Variants in EFR3B observed in about 807,000 individuals in gnomAD.
The protein encoded by EFR3B is EFR3 homolog B, also known as protein EFR3 homolog B.
In EFR3B, 64 loss-of-function variants were observed where a neutral mutation model predicts 104.7. The ratio of observed to expected loss-of-function variants is 0.61; its 90% CI spans 0.50 to 0.75. EFR3B has a LOEUF of 0.75. EFR3B is among the 30% of genes least tolerant of loss of function. EFR3B has a pLI of 0.00. For missense variants in EFR3B, 750 were observed against 1,078.5 expected, an observed-to-expected ratio of 0.70 and a Z score of 4.27; for synonymous variants, 385 against 417.9, an observed-to-expected ratio of 0.92 and a Z score of 0.96.
chr2:25,136,735 G>GT lies in EFR3B; in HGVS notation c.1560+138dup, dbSNP rs1670527353. Reference sequence around the variant, plus strand: ...GCTCGAGACCAGCCAGACCAACATGGTAAAATCCCATCTTTACTAAAGCTA... The same window carrying GT: ...GCTCGAGACCAGCCAGACCAACATGGTTAAAATCCCATCTTTACTAAAGCTA... On this transcript the variant is annotated intron_variant, in intron 14 of 22. Coordinates refer to ENST00000403714, the MANE Select transcript of EFR3B (RefSeq NM_014971.2). This position sits in a 1 kb window ranked among gnomAD's most constrained non-coding sequence, Gnocchi z 4.0. 5.8e-6 allele frequency: 4 copies of GT among 687,858 alleles called. No homozygotes were observed. Among genetic ancestry groups the GT allele is most frequent in the Admixed American group, 5.1e-5 (2 of 39,318 alleles). The allele number at this position is 687,858 out of a possible 1,614,324, so 42.6% of individuals were successfully genotyped here.
chr2:25,052,237 G>T (rs1667891435), intron 1 of EFR3B, among the ~76,000 whole-genome samples: 1 of 151,686 alleles, frequency 6.6e-6, no homozygotes, highest in Admixed American at 6.6e-5. Flanking sequence ...AAGTGCTGGG[G>T]TTACAGGCAT....
At position 25,077,228 on chromosome 2, in the gene EFR3B, TTAAA is replaced by T. The variant is rs71942716; in HGVS notation, c.8-14091_8-14088del. Among the ~76,000 whole-genome samples the T allele has an allele frequency of 0.023, 3,458 of 152,314 alleles. 235 individuals are homozygous for T. In the East Asian group the frequency reaches 0.27, roughly 12 times the overall value. On this transcript the variant is annotated intron_variant, in intron 1 of 22. Transcript: ENST00000403714. Reference sequence around the variant, plus strand: ...AAAAACTGGAAACAACAGAGAATGATTAAATAAATCAGGATCCAGTCAAAAGATG... The same window carrying T: ...AAAAACTGGAAACAACAGAGAATGATTAAATCAGGATCCAGTCAAAAGATG...
At chr2:25,148,279 A>T (rs1670884657) in intron 19 of EFR3B, among the ~76,000 whole-genome samples, 2 of 148,792 alleles carry the variant, frequency 1.3e-5, no homozygotes, top group African/African-American at 2.5e-5. Flanking sequence ...AAAAAAACAG[A>T]GTCTCCCTCT....
At chr2:25,095,891 A>G (rs1669262576) in intron 3 of EFR3B, among the ~76,000 whole-genome samples, 1 of 152,200 alleles carries the variant, frequency 6.6e-6, no homozygotes, top group Non-Finnish European at 1.5e-5. Context: ...CTCCCCAACC[A>G]TCATGCTACA....
intron 12 of EFR3B, 134 bp downstream of exon 12, chr2:25,133,568 G>C (rs897185136): frequency 8.0e-6 from 8 of 995,436 alleles, no homozygotes; most frequent in Non-Finnish European, 1.2e-5. Flanking sequence ...TTGAGTCGGG[G>C]CTGAAATCTA....
Position 25,128,304 on chromosome 2 carries a change from A to T in EFR3B, c.607A>T (p.Asn203Tyr), listed in dbSNP as rs1298121476. ...MDKIVPSLLF[N>Y]LQHVEEAESR... ...TAAGATCGTTCCATCACTGCTTTTCAATCTACAGCATGTAGAGGAGGCAGA... is the reference window on the plus strand; with the variant it reads ...TAAGATCGTTCCATCACTGCTTTTCTATCTACAGCATGTAGAGGAGGCAGA... Residue 203 changes from asparagine (N) to tyrosine (Y), a missense_variant, in exon 6 of 23, where the codon AAT (asparagine) becomes TAT (tyrosine). Transcript: ENST00000403714. 2 of 1,551,742 alleles carry T rather than the reference A, an allele frequency of 1.3e-6. No homozygotes were observed.
At position 25,131,332 on chromosome 2, in the gene EFR3B, G is replaced by A. The variant is rs1218395678; in HGVS notation, c.850-36G>A. ...CTGCGCAGCCCAGGGACCCCGTGGG[G>A]TTGCTGTCCAGGCCCAGCTCATCTT... On this transcript the variant is annotated intron_variant, in intron 8 of 22. Coordinates refer to ENST00000403714, the MANE Select transcript of EFR3B (RefSeq NM_014971.2). This position sits in a 1 kb window ranked among gnomAD's most constrained non-coding sequence, Gnocchi z 7.6. The A allele has an allele frequency of 7.1e-6, 11 of 1,543,392 alleles. No homozygotes were observed. The highest frequency in any genetic ancestry group is 9.6e-6 in the Non-Finnish European group (11 of 1,141,882).
At chr2:25,138,620 C>A (rs1480705180) in intron 15 of EFR3B, among the ~76,000 whole-genome samples, 1 of 152,176 alleles carries the variant, frequency 6.6e-6, no homozygotes, top group Non-Finnish European at 1.5e-5. Context: ...CTTGGGGTTC[C>A]TTTATATCCC....
intron 1 of EFR3B, among the ~76,000 whole-genome samples, chr2:25,047,919 G>A (rs893677170): frequency 6.6e-6 from 1 of 152,072 alleles, no homozygotes; most frequent in African/African-American, 2.4e-5. Context: ...AAAAATCATC[G>A]AATCCCTCTA....
At chr2:25,133,514 A>G (rs1670439956) in intron 12 of EFR3B, 80 bp downstream of exon 12, 1 of 1,409,688 alleles carries the variant, frequency 7.1e-7, no homozygotes, top group Non-Finnish European at 9.8e-7. Context: ...AGGCCTCCAC[A>G]TACAGTCGTG....
At chr2:25,080,564 G>C in intron 1 of EFR3B, 1 of 507,670 alleles carries the variant, frequency 2.0e-6, no homozygotes, top group South Asian at 2.7e-5. Flanking sequence ...AAAGTGTTGG[G>C]ATTACAGGCA....
chr2:25,051,544 C>T (rs1667868773), intron 1 of EFR3B, among the ~76,000 whole-genome samples: 1 of 151,970 alleles, frequency 6.6e-6, no homozygotes, highest in Non-Finnish European at 1.5e-5. Context: ...ACCGCATGGC[C>T]ATTCATCACT....
At chr2:25,066,770 G>A (rs1668348006) in intron 1 of EFR3B, among the ~76,000 whole-genome samples, 1 of 152,140 alleles carries the variant, frequency 6.6e-6, no homozygotes. Flanking sequence ...TGTGTTGCAT[G>A]CTGTGTGTGT....
chr2:25,131,687 G>T lies in EFR3B; in HGVS notation c.986-63G>T. ...GGGCGTGACCCTGCCCTGCCTGCGC[G>T]CGGTGCACAGAGGAGGAGGGTGCCA... On this transcript the variant is annotated intron_variant, in intron 9 of 22. Transcript: ENST00000403714. The surrounding 1 kb of genome is among the most constrained non-coding windows in gnomAD (Gnocchi z 7.6). The T allele has an allele frequency of 6.8e-7, 1 of 1,478,914 alleles. No homozygotes were observed. The highest frequency in any genetic ancestry group is 9.0e-7 in the Non-Finnish European group (1 of 1,109,410). 91.6% of individuals were successfully genotyped at this position (1,478,914 alleles called of 1,614,324 possible).
chr2:25,066,296 G>T (rs1051541389), intron 1 of EFR3B, among the ~76,000 whole-genome samples: 6 of 152,118 alleles, frequency 3.9e-5, no homozygotes, highest in Admixed American at 1.3e-4. Flanking sequence ...GATTCCTTAC[G>T]CATTCTAAGA....
chr2:25,133,088 C>G (rs1670417342), intron 11 of EFR3B, 74 bp downstream of exon 11: 1 of 1,371,524 alleles, frequency 7.3e-7, no homozygotes, highest in Non-Finnish European at 1.0e-6. Context: ...TCCTTTATCC[C>G]TCTTAATTTT....
chr2:25,104,317 C>T (rs1438448583), intron 4 of EFR3B, among the ~76,000 whole-genome samples: 1 of 152,128 alleles, frequency 6.6e-6, no homozygotes. Flanking sequence ...TGCGGTGAGT[C>T]GAGATCATGC....
chr2:25,043,083 T>C (rs940822131), intron 1 of EFR3B, among the ~76,000 whole-genome samples: 2 of 152,082 alleles, frequency 1.3e-5, no homozygotes, highest in Non-Finnish European at 2.9e-5. Flanking sequence ...AGAGAGCGCG[T>C]TGGGTCCCAC....
chr2:25,119,331 G>A (rs1297968573), intron 4 of EFR3B, among the ~76,000 whole-genome samples: 2 of 152,232 alleles, frequency 1.3e-5, no homozygotes, highest in Admixed American at 1.3e-4. Flanking sequence ...TCTCCTTTGA[G>A]TGGACAGACA....
Sources: allele counts gnomAD v4.1 joint callset (sites outside exome capture counted in the v4.1 genomes callset), GRCh38; gene constraint gnomAD v4.1.1; non-coding constraint Gnocchi (gnomAD v3.1); transcripts MANE v1.5; gene names NCBI Gene and HGNC (gene_info 2026-07-23, HGNC 2026-07-21).